SHISA6: variants seen among roughly 807,000 people sequenced by gnomAD.
SHISA6 encodes the protein shisa family member 6, also known as protein shisa-6.
In SHISA6, 22 loss-of-function variants were observed where a neutral mutation model predicts 47.9. The observed-to-expected ratio is 0.46, with a 90% CI of 0.33 to 0.66. The LOEUF (loss-of-function observed/expected upper bound fraction) is 0.66. SHISA6 is among the 30% of genes least tolerant of loss of function. The pLI is 0.02. For synonymous variants in SHISA6, 388 were observed against 337.8 expected (o/e 1.15, Z -1.63); for missense variants, 680 against 764.6 (o/e 0.89, Z 1.30).
At chr17:11,454,505 G>A (rs1376148113) in intron 3 of SHISA6, among the ~76,000 whole-genome samples, 1 of 152,122 alleles carries the variant, frequency 6.6e-6, no homozygotes, top group Non-Finnish European at 1.5e-5. Flanking sequence ...CTGGCCCATG[G>A]CTACACTCAG....
intron 3 of SHISA6, among the ~76,000 whole-genome samples, chr17:11,469,984 GAGA>G (rs1457028827): frequency 2.0e-5 from 3 of 152,138 alleles, no homozygotes; most frequent in Non-Finnish European, 4.4e-5. Flanking sequence ...TCCATACAAA[GAGA>G]AGAAGAGACA....
In SHISA6 at chr17:11,533,191, A is replaced by G. The variant is rs1171975679; in HGVS notation, c.896-18705A>G. On this transcript the variant is annotated intron_variant, in intron 3 of 5. Coordinates refer to ENST00000441885, the MANE Select transcript of SHISA6 (RefSeq NM_207386.4). ...CCTTTGCTCATTAGCCACAAACACC[A>G]TAAGTTATGGAGACCTCAGAGCTGA... is the stretch of plus-strand genomic sequence containing the variant. Among the ~76,000 whole-genome samples the G allele has an allele frequency of 2.0e-5, 3 of 152,172 alleles. No individual in the cohort carries two copies. The East Asian group carries it at 5.8e-4, about 29-fold the overall frequency.
In SHISA6 at chr17:11,263,485, A is replaced by G; in HGVS notation, c.758A>G (p.Lys253Arg). 6.4e-7 allele frequency: 1 copy of G among 1,551,722 alleles called. No homozygotes were observed. The highest frequency in any genetic ancestry group is 8.7e-7 in the Non-Finnish European group (1 of 1,146,992). The change falls in exon 2 of 6, where the codon AAA (lysine) becomes AGA (arginine). Residue 253 changes from lysine (K) to arginine (R), a missense_variant. By Grantham distance (26) the Lys-to-Arg change is conservative (BLOSUM62 2). This residue lies in a region of SHISA6 where 559 missense variants were observed against 674.1 expected (regional missense o/e 0.83). Transcript: ENST00000441885. The part of the protein sequence containing the change: ...KENTPVRSSS[K>R]NHYTPVRTAK... ...AACACGCCGGTCAGATCGTCCTCCA[A>G]AAACCACTACACTCCTGTGCGTACG...
chr17:11,337,002 A>C (rs1911343817), intron 2 of SHISA6, among the ~76,000 whole-genome samples: 1 of 152,178 alleles, frequency 6.6e-6, no homozygotes. Flanking sequence ...TCAGACAAGG[A>C]GGAGTGGGAT....
chr17:11,550,292 T>C (rs1407143806), intron 3 of SHISA6, among the ~76,000 whole-genome samples: 1 of 152,088 alleles, frequency 6.6e-6, no homozygotes, highest in East Asian at 1.9e-4. Flanking sequence ...CTTGACATGG[T>C]GATCCATCTG....
At chr17:11,555,504 G>A (rs1213536730) in intron 4 of SHISA6, among the ~76,000 whole-genome samples, 6 of 151,936 alleles carry the variant, frequency 3.9e-5, no homozygotes. Context: ...CAAGAGTCGA[G>A]TCTCCCATTC....
At chr17:11,553,274 G>C (rs571657770) in intron 4 of SHISA6, among the ~76,000 whole-genome samples, 2 of 152,306 alleles carry the variant, frequency 1.3e-5, no homozygotes, top group Admixed American at 1.3e-4. Context: ...TGAAAGAGAA[G>C]TGCAGAAGGC....
At chr17:11,510,321 G>A (rs1481882049) in intron 3 of SHISA6, among the ~76,000 whole-genome samples, 2 of 152,178 alleles carry the variant, frequency 1.3e-5, no homozygotes, top group Non-Finnish European at 2.9e-5. Context: ...TGTCTGCCAA[G>A]TAAACTGAGT....
At chr17:11,402,253 C>T (rs887567583) in intron 3 of SHISA6, among the ~76,000 whole-genome samples, 6 of 152,188 alleles carry the variant, frequency 3.9e-5, no homozygotes, top group Admixed American at 1.3e-4. Flanking sequence ...AGGAACTACA[C>T]GGCTTTCTCA....
intron 3 of SHISA6, among the ~76,000 whole-genome samples, chr17:11,452,851 G>A (rs1915440061): frequency 6.9e-6 from 1 of 145,116 alleles, no homozygotes; most frequent in Non-Finnish European, 1.5e-5. Context: ...TCTACTCCTT[G>A]TTCTCCTACG....
intron 2 of SHISA6, among the ~76,000 whole-genome samples, chr17:11,370,387 C>T (rs1266634138): frequency 1.3e-5 from 2 of 152,174 alleles, no homozygotes; most frequent in African/African-American, 4.8e-5. Flanking sequence ...CTCTTGGTCT[C>T]AGCTGGAGAC....
chr17:11,262,669 A>G (rs1294698017), intron 1 of SHISA6, among the ~76,000 whole-genome samples: 5 of 152,210 alleles, frequency 3.3e-5, no homozygotes, highest in African/African-American at 1.2e-4. Flanking sequence ...TTCTCTGAGT[A>G]ACTGGACCTC....
At chr17:11,278,894 C>T (rs1427159359) in intron 2 of SHISA6, among the ~76,000 whole-genome samples, 2 of 152,150 alleles carry the variant, frequency 1.3e-5, no homozygotes, top group Non-Finnish European at 2.9e-5. Flanking sequence ...CGGGGCAGGG[C>T]AGGAAGGTGG....
At chr17:11,254,815 C>T (rs966113261) in intron 1 of SHISA6, among the ~76,000 whole-genome samples, 6 of 152,198 alleles carry the variant, frequency 3.9e-5, no homozygotes, top group African/African-American at 1.4e-4. Context: ...TTCCCTTCTC[C>T]CTAATAAATA....
In SHISA6 at chr17:11,535,008, A is replaced by G. The variant is rs990364170; in HGVS notation, c.896-16888A>G. On this transcript the variant is annotated intron_variant, in intron 3 of 5. Transcript: ENST00000441885. Reference sequence around the variant, plus strand: ...CCATGCGTGGTGGCAGGCACCTGTAACCCCAGCTACTCGGGAGGCTGAAGC... The same window carrying G: ...CCATGCGTGGTGGCAGGCACCTGTAGCCCCAGCTACTCGGGAGGCTGAAGC... Among the ~76,000 whole-genome samples, 8 of 152,088 alleles carry G rather than the reference A, an allele frequency of 5.3e-5. No individual in the cohort carries two copies. In the East Asian group the frequency reaches 5.8e-4, roughly 11 times the overall value.
intron 2 of SHISA6, among the ~76,000 whole-genome samples, chr17:11,365,741 T>C (rs1006549130): frequency 2.0e-5 from 3 of 152,192 alleles, no homozygotes; most frequent in African/African-American, 7.2e-5. Flanking sequence ...GATATCCCTC[T>C]TGTGGAAGCT....
At chr17:11,526,116 C>G (rs1311970111) in intron 3 of SHISA6, among the ~76,000 whole-genome samples, 1 of 151,914 alleles carries the variant, frequency 6.6e-6, no homozygotes, top group African/African-American at 2.4e-5. Context: ...GGGGACCCCC[C>G]CCCGCTCTCT....
chr17:11,395,919 C>T (rs2142259817), intron 3 of SHISA6, among the ~76,000 whole-genome samples: 1 of 152,250 alleles, frequency 6.6e-6, no homozygotes, highest in Admixed American at 6.5e-5. Context: ...GGCATCTTTG[C>T]TTTGTTTCTG....
In SHISA6 at chr17:11,325,368, A is replaced by AC. The variant is rs200804528; in HGVS notation, c.800-54043dup. On this transcript the variant is annotated intron_variant, in intron 2 of 5. Transcript: ENST00000441885. Reference sequence around the variant, plus strand: ...CAATATTTCCTAAGCAAACTAGGTTACCCTCCCCACTGCTGCGGCTACCCG... The same window carrying AC: ...CAATATTTCCTAAGCAAACTAGGTTACCCCTCCCCACTGCTGCGGCTACCCG... Among the ~76,000 whole-genome samples, 133 of 152,040 alleles carry AC rather than the reference A, an allele frequency of 8.7e-4. 3 individuals are homozygous for AC. In the East Asian group the frequency reaches 0.014, roughly 16 times the overall value.
Sources: gnomAD v4.1 joint callset for allele counts (sites outside exome capture counted in the v4.1 genomes callset) on GRCh38, gnomAD v4.1.1 for gene constraint, gnomAD v4.1.1 regional missense constraint, MANE v1.5 for transcripts, NCBI Gene and HGNC (gene_info 2026-07-23, HGNC 2026-07-21) for gene names.